PDE3A: variants seen among roughly 807,000 people sequenced by gnomAD.
PDE3A encodes phosphodiesterase 3A, also known as cGMP-inhibited 3',5'-cyclic phosphodiesterase 3A.
Under a neutral mutation model 98.3 loss-of-function variants are expected in PDE3A, and 43 were observed. The ratio of observed to expected loss-of-function variants is 0.44; its 90% CI spans 0.34 to 0.56. The LOEUF (loss-of-function observed/expected upper bound fraction) is 0.56. Among genes scored for constraint, PDE3A ranks in the 20% least tolerant of loss-of-function variants. PDE3A has a pLI of 0.01. For synonymous variants in PDE3A, 663 were observed against 567.9 expected (o/e 1.17, Z -2.38); for missense variants, 1,427 against 1,440.7 (o/e 0.99, Z 0.15).
chr12:20,369,190 C>CGG lies in PDE3A; in HGVS notation c.-94_-93insGG, dbSNP rs1555138212. On this transcript the variant is annotated 5_prime_UTR_variant, in exon 1 of 16. Coordinates refer to ENST00000359062, the MANE Select transcript of PDE3A (RefSeq NM_000921.5). ...GGTGGAATTGGGAAGAGCGTGCGTG[C>CGG]GTGTGTGTGTGTGTGTGTGTGCGCG... 2 of 653,230 alleles carry CGG rather than the reference C, an allele frequency of 3.1e-6. No homozygotes were observed. The highest frequency in any genetic ancestry group is 4.9e-6 in the Non-Finnish European group (2 of 405,814). The allele number at this position is 653,230 out of a possible 1,614,324, so 40.5% of individuals were successfully genotyped here.
chr12:20,521,460 C>G (rs1247435117), intron 1 of PDE3A, among the ~76,000 whole-genome samples: 1 of 152,090 alleles, frequency 6.6e-6, no homozygotes, highest in African/African-American at 2.4e-5. Context: ...ATTAGTGATA[C>G]TGAACATGTA....
chr12:20,570,508 C>T (rs7961708), intron 2 of PDE3A, among the ~76,000 whole-genome samples: 21,397 of 143,908 alleles, frequency 0.15, 1,690 homozygotes, highest in East Asian at 0.32. Context: ...GAATAGAACA[C>T]AGAGCAGTCA....
rs1417277175 is a variant in PDE3A, at chr12:20,369,534, G to A, written c.250G>A (p.Glu84Lys). 6.4e-7 allele frequency: 1 copy of A among 1,558,846 alleles called. No individual in the cohort carries two copies. The highest frequency in any genetic ancestry group is 8.7e-7 in the Non-Finnish European group (1 of 1,151,530). The change falls in exon 1 of 16, where the codon GAG (glutamate) becomes AAG (lysine). Residue 84 changes from glutamate to lysine, a missense_variant. Physicochemically the swap from Glu to Lys is moderately conservative, Grantham distance 56. This residue lies in a region of PDE3A where 1,012 missense variants were observed against 886.5 expected (regional missense o/e 1.14). Transcript: ENST00000359062. Reference protein sequence around the residue: ...LALLVRLVRGEVGCDLEQCKE... With the variant: ...LALLVRLVRGKVGCDLEQCKE... ...GCTGCTGGTGAGGCTGGTCCGCGGG[G>A]AGGTCGGCTGTGACCTGGAGCAGTG... is the stretch of plus-strand genomic sequence containing the variant.
At chr12:20,592,566 G>A (rs188921936) in intron 2 of PDE3A, among the ~76,000 whole-genome samples, 9 of 152,266 alleles carry the variant, frequency 5.9e-5, no homozygotes, top group Non-Finnish European at 1.3e-4. Context: ...CTATGCTTGA[G>A]TACTAATCAT....
At chr12:20,490,002 A>G (rs1433613232) in intron 1 of PDE3A, among the ~76,000 whole-genome samples, 1 of 152,172 alleles carries the variant, frequency 6.6e-6, no homozygotes, top group Admixed American at 6.5e-5. Flanking sequence ...GAGGCTTTCT[A>G]TACCTAGAGA....
Position 20,536,341 on chromosome 12 carries a change from G to GGT in PDE3A, c.961-20301_961-20300dup, listed in dbSNP as rs56788789. On this transcript the variant is annotated intron_variant, in intron 1 of 15. Transcript: ENST00000359062. ...TCCTCAAGGAGATCCTTTACTGTGA[G>GGT]GTGTGTGTGTGTGTGTGTGCATAGA... Among the ~76,000 whole-genome samples, 757 of 150,704 alleles carry GGT rather than the reference G, an allele frequency of 5.0e-3. 3 individuals carry two copies. The highest frequency in any genetic ancestry group is 0.012 in the East Asian group (59 of 5,084).
chr12:20,385,934 A>G (rs1313355349), intron 1 of PDE3A, among the ~76,000 whole-genome samples: 1 of 135,854 alleles, frequency 7.4e-6, no homozygotes, highest in East Asian at 2.0e-4. Context: ...AACTTAAAGT[A>G]TAATACAAAG....
At chr12:20,373,948 A>T (rs953061976) in intron 1 of PDE3A, among the ~76,000 whole-genome samples, 2 of 152,164 alleles carry the variant, frequency 1.3e-5, no homozygotes, top group East Asian at 3.9e-4. Flanking sequence ...TGTAGAATAC[A>T]TTGTTTAAAT....
chr12:20,667,383 G>C (rs953155527), intron 15 of PDE3A, among the ~76,000 whole-genome samples: 1 of 152,026 alleles, frequency 6.6e-6, no homozygotes, highest in Admixed American at 6.5e-5. Flanking sequence ...CCCTTATGTT[G>C]TCTTCTAACA....
chr12:20,396,760 C>A (rs1482573432), intron 1 of PDE3A, among the ~76,000 whole-genome samples: 1 of 151,904 alleles, frequency 6.6e-6, no homozygotes, highest in Non-Finnish European at 1.5e-5. Flanking sequence ...ATGCCCGTTA[C>A]CTAAGGGTTA....
intron 12 of PDE3A, among the ~76,000 whole-genome samples, chr12:20,647,815 C>T (rs189156989): frequency 6.8e-4 from 104 of 152,026 alleles, no homozygotes; most frequent in Admixed American, 1.8e-3. Context: ...CTTTCATACA[C>T]CAGAATTATT....
intron 1 of PDE3A, chr12:20,551,586 C>T (rs1942200351): frequency 6.5e-7 from 1 of 1,548,404 alleles, no homozygotes; most frequent in South Asian, 1.2e-5. Context: ...GCGCCTGCCA[C>T]CTGTGCGGGG....
At chr12:20,537,182 T>A (rs1941771237) in intron 1 of PDE3A, among the ~76,000 whole-genome samples, 1 of 152,146 alleles carries the variant, frequency 6.6e-6, no homozygotes, top group Admixed American at 6.5e-5. Context: ...ATGTACTTGA[T>A]GACCATTTGT....
chr12:20,683,382 AAG>A lies in PDE3A; in HGVS notation c.*3114_*3115del, dbSNP rs1945850036. On this transcript the variant is annotated 3_prime_UTR_variant, in exon 16 of 16. Transcript: ENST00000359062. ...CATTAAACTCAGGTCTTTCAAATGA[AAG>A]AGTTTCTAGCCCACTTAGGGAAAAA... is the stretch of plus-strand genomic sequence containing the variant. 2 of 152,170 alleles carry A rather than the reference AAG, an allele frequency of 1.3e-5. No homozygotes were observed. The highest frequency in any genetic ancestry group is 2.4e-5 in the African/African-American group (1 of 41,448). The allele number at this position is 152,170 out of a possible 1,614,324, so 9.4% of individuals were successfully genotyped here.
intron 3 of PDE3A, among the ~76,000 whole-genome samples, chr12:20,614,426 G>T (rs546079033): frequency 4.0e-5 from 6 of 150,870 alleles, no homozygotes; most frequent in African/African-American, 1.4e-4. Flanking sequence ...TATTTATTTA[G>T]TAAACAATCA....
At chr12:20,600,885 G>C (rs1255041865) in intron 2 of PDE3A, among the ~76,000 whole-genome samples, 2 of 152,180 alleles carry the variant, frequency 1.3e-5, no homozygotes, top group Non-Finnish European at 2.9e-5. Context: ...TTGTTTCAAA[G>C]AACTGTCTCA....
chr12:20,668,503 A>T (rs1287256028), intron 15 of PDE3A, among the ~76,000 whole-genome samples: 2 of 152,174 alleles, frequency 1.3e-5, no homozygotes, highest in African/African-American at 2.4e-5. Flanking sequence ...TGGAGATCTG[A>T]GAACAGGCAG....
chr12:20,436,435 G>A (rs1277501328), intron 1 of PDE3A, among the ~76,000 whole-genome samples: 1 of 152,162 alleles, frequency 6.6e-6, no homozygotes, highest in African/African-American at 2.4e-5. Context: ...GCCCACCAGT[G>A]TTCAAAAATG....
At chr12:20,520,936 G>A (rs899244001) in intron 1 of PDE3A, among the ~76,000 whole-genome samples, 5 of 152,220 alleles carry the variant, frequency 3.3e-5, no homozygotes, top group African/African-American at 9.6e-5. Flanking sequence ...ATCCAGAGGG[G>A]AGACCTTGGC....
Sources: gnomAD v4.1 joint callset for allele counts (sites outside exome capture counted in the v4.1 genomes callset) on GRCh38, gnomAD v4.1.1 for gene constraint, gnomAD v4.1.1 regional missense constraint, MANE v1.5 for transcripts, NCBI Gene and HGNC (gene_info 2026-07-23, HGNC 2026-07-21) for gene names.